The following SCN11A variants were observed in gnomAD, a reference collection of about 807,000 sequenced individuals.
The protein encoded by SCN11A is sodium voltage-gated channel alpha subunit 11.
In SCN11A, 122 loss-of-function variants were observed where a neutral mutation model predicts 162.2. That is an observed-to-expected ratio of 0.75 (90% confidence interval 0.65 to 0.87). The LOEUF (loss-of-function observed/expected upper bound fraction) is 0.87. SCN11A is among the 40% of genes least tolerant of loss of function. The probability of loss-of-function intolerance (pLI) is 0.00; values close to 1 mark genes in which losing one functional copy is unlikely to be tolerated. For missense variants in SCN11A, 2,015 were observed against 2,181.6 expected, an observed-to-expected ratio of 0.92 and a Z score of 1.52; for synonymous variants, 758 against 751.5, an observed-to-expected ratio of 1.01 and a Z score of -0.14.
chr3:38,973,270 G>A (rs564209888), intron 2 of SCN11A, among the ~76,000 whole-genome samples: 12 of 151,950 alleles, frequency 7.9e-5, no homozygotes, highest in African/African-American at 1.2e-4. Flanking sequence ...TGCTATATTC[G>A]TTTGAATACA....
intron 21 of SCN11A, among the ~76,000 whole-genome samples, chr3:38,884,167 C>A (rs772137511): frequency 1.6e-4 from 25 of 152,192 alleles, no homozygotes; most frequent in Non-Finnish European, 3.1e-4. Flanking sequence ...CACTCTGCCT[C>A]TTTTCTTCTT....
At chr3:38,868,552 G>A (rs1161127407) in intron 26 of SCN11A, among the ~76,000 whole-genome samples, 2 of 152,198 alleles carry the variant, frequency 1.3e-5, no homozygotes, top group African/African-American at 4.8e-5. Flanking sequence ...GTTTGAAGGT[G>A]GAGAGTTTTA....
intron 2 of SCN11A, among the ~76,000 whole-genome samples, chr3:39,007,879 G>C (rs2031020290): frequency 6.6e-6 from 1 of 152,228 alleles, no homozygotes; most frequent in Non-Finnish European, 1.5e-5. Context: ...GGAGAGAAGT[G>C]TGGATGGCCC....
At chr3:38,995,408 T>C (rs1458873038) in intron 2 of SCN11A, among the ~76,000 whole-genome samples, 7 of 152,268 alleles carry the variant, frequency 4.6e-5, no homozygotes, top group South Asian at 4.1e-4. Flanking sequence ...GCGTGAGCCA[T>C]GGCACCCGGC....
At chr3:38,882,288 T>C (rs1244942981) in intron 22 of SCN11A, among the ~76,000 whole-genome samples, 1 of 152,190 alleles carries the variant, frequency 6.6e-6, no homozygotes, top group African/African-American at 2.4e-5. Flanking sequence ...CTATGGGGTG[T>C]AGGAGCAAGA....
chr3:39,008,476 C>A (rs1167050761), intron 2 of SCN11A, among the ~76,000 whole-genome samples: 1 of 152,170 alleles, frequency 6.6e-6, no homozygotes, highest in Non-Finnish European at 1.5e-5. Context: ...TGAAAGGAGA[C>A]ACCCGGATAA....
chr3:39,048,017 T>C (rs1326093684), intron 1 of SCN11A, among the ~76,000 whole-genome samples: 7 of 152,180 alleles, frequency 4.6e-5, no homozygotes, highest in Non-Finnish European at 1.5e-5. Context: ...GCAATCCCAC[T>C]ACTACCCAAA....
At chr3:38,938,745 GTA>G (rs2066394747) in intron 7 of SCN11A, among the ~76,000 whole-genome samples, 1 of 150,500 alleles carries the variant, frequency 6.6e-6, no homozygotes, top group African/African-American at 2.4e-5. Flanking sequence ...TGTATTCTTA[GTA>G]GAGACGCGGT....
rs1280635364 is a variant in SCN11A, at chr3:38,896,903, G to A, written c.2345C>T (p.Ala782Val). ...GACAATAACACACAATGATGATGATGCATTCGCTTCTTGCATACATTCCCA... is the reference window on the plus strand; with the variant it reads ...GACAATAACACACAATGATGATGATACATTCGCTTCTTGCATACATTCCCA... ...NMWECMQEAN[A>V]SSSLCVIVFI... Residue 782 changes from alanine to valine, a missense_variant, in exon 18 of 30, where the codon GCA becomes GTA. Ala to Val is a moderately conservative substitution (Grantham distance 64, BLOSUM62 0). Coordinates refer to ENST00000302328, the MANE Select transcript of SCN11A (RefSeq NM_001349253.2). 3.7e-6 allele frequency: 6 copies of A among 1,611,508 alleles called. No homozygotes were observed. Among genetic ancestry groups the A allele is most frequent in the Non-Finnish European group, 4.2e-6 (5 of 1,179,480 alleles).
Position 38,846,924 on chromosome 3 carries a change from G to C in SCN11A, c.5146C>G (p.Pro1716Ala). 2 of 1,613,984 alleles carry C rather than the reference G, an allele frequency of 1.2e-6. No individual in the cohort carries two copies. Among genetic ancestry groups the C allele is most frequent in the Non-Finnish European group, 1.7e-6 (2 of 1,179,974 alleles). ...MMEEKFMEANPLKKLYEPIVT... is the reference protein window; with the variant it reads ...MMEEKFMEANALKKLYEPIVT... ...ATGGGTTCATACAACTTCTTGAGAG[G>C]ATTGGCTTCCATGAACTTCTCTTCC... is the stretch of plus-strand genomic sequence containing the variant. The change falls in exon 30 of 30, where the codon CCT (proline) becomes GCT (alanine). Residue 1716 changes from proline to alanine, a missense_variant. Physicochemically the swap from Pro to Ala is conservative, Grantham distance 27. Coordinates refer to ENST00000302328, the MANE Select transcript of SCN11A (RefSeq NM_001349253.2).
chr3:39,035,966 C>T (rs1031480301), intron 1 of SCN11A, among the ~76,000 whole-genome samples: 19 of 152,140 alleles, frequency 1.2e-4, no homozygotes, highest in Non-Finnish European at 2.6e-4. Flanking sequence ...TGCTACATTT[C>T]TGACTTGGGC....
chr3:39,025,436 T>C (rs762257017), intron 2 of SCN11A, among the ~76,000 whole-genome samples: 2 of 152,238 alleles, frequency 1.3e-5, no homozygotes, highest in Non-Finnish European at 2.9e-5. Flanking sequence ...CAGCTGGTTA[T>C]AGTTATTGTT....
intron 2 of SCN11A, among the ~76,000 whole-genome samples, chr3:38,980,465 G>C (rs1299657966): frequency 6.6e-6 from 1 of 152,186 alleles, no homozygotes; most frequent in Non-Finnish European, 1.5e-5. Context: ...AGTGATGTCG[G>C]TCATGGAGCC....
chr3:38,921,321 T>A, intron 9 of SCN11A, 66 bp from the exon 10 acceptor site: 1 of 1,481,698 alleles, frequency 6.7e-7, no homozygotes, highest in Non-Finnish European at 9.3e-7. Context: ...AAAGGCCAAG[T>A]AAGGAGCAAC....
At chr3:38,915,996 G>A (rs1021495967) in intron 11 of SCN11A, among the ~76,000 whole-genome samples, 8 of 152,096 alleles carry the variant, frequency 5.3e-5, no homozygotes, top group Non-Finnish European at 7.4e-5. Flanking sequence ...TGTCTTGGGC[G>A]CATATACCTT....
chr3:38,855,583 C>G (rs2064855020), intron 28 of SCN11A, among the ~76,000 whole-genome samples: 3 of 152,136 alleles, frequency 2.0e-5, no homozygotes, highest in Non-Finnish European at 4.4e-5. Context: ...CTTGAAAGCA[C>G]CACCTCCTGG....
At chr3:38,975,403 G>A (rs2125588483) in intron 2 of SCN11A, among the ~76,000 whole-genome samples, 1 of 152,276 alleles carries the variant, frequency 6.6e-6, no homozygotes, top group East Asian at 1.9e-4. Context: ...TCTAATTCGA[G>A]GGGTGAGAAG....
At chr3:39,006,333 T>C (rs1337352867) in intron 2 of SCN11A, among the ~76,000 whole-genome samples, 2 of 152,184 alleles carry the variant, frequency 1.3e-5, no homozygotes, top group Non-Finnish European at 2.9e-5. Context: ...GAAAGAACCT[T>C]CTCTTGAGAA....
At chr3:39,017,480 A>T (rs1244979931) in intron 2 of SCN11A, among the ~76,000 whole-genome samples, 4 of 152,116 alleles carry the variant, frequency 2.6e-5, no homozygotes, top group African/African-American at 7.2e-5. Flanking sequence ...CTTTATCACC[A>T]GTTTTATGAT....
Sources: allele counts gnomAD v4.1 joint callset (sites outside exome capture counted in the v4.1 genomes callset), GRCh38; gene constraint gnomAD v4.1.1; transcripts MANE v1.5; gene names NCBI Gene and HGNC (gene_info 2026-07-23, HGNC 2026-07-21).